MCM9: variants seen among roughly 807,000 people sequenced by gnomAD.
The protein encoded by MCM9 is DNA helicase MCM9.
MCM9 carries 55 observed loss-of-function variants against 72.8 expected under a neutral mutation model. That is an observed-to-expected ratio of 0.76 (90% CI 0.61 to 0.95). The LOEUF is 0.95. Ranked by LOEUF, MCM9 falls within the 40% of genes least tolerant of loss-of-function variation. The pLI is 0.00. For synonymous variants in MCM9, 480 were observed against 503.4 expected, an observed-to-expected ratio of 0.95 and a Z score of 0.62; for missense variants, 1,279 against 1,377.0, an observed-to-expected ratio of 0.93 and a Z score of 1.13.
intron 13 of MCM9, among the ~76,000 whole-genome samples, chr6:118,821,783 C>T: frequency 6.6e-6 from 1 of 152,182 alleles, no homozygotes; most frequent in Admixed American, 6.5e-5. Flanking sequence ...GGTCTTTTCA[C>T]ACAGTCCCAT....
chr6:118,917,789 C>CA, intron 5 of MCM9, 28 bp from the exon 6 acceptor site: 1 of 1,586,326 alleles, frequency 6.3e-7, no homozygotes, highest in Non-Finnish European at 8.7e-7. Context: ...GTGAGTCCAG[C>CA]AGTAGCATCC....
intron 8 of MCM9, among the ~76,000 whole-genome samples, chr6:118,897,829 A>G (rs1779534255): frequency 6.6e-6 from 1 of 151,778 alleles, no homozygotes; most frequent in Non-Finnish European, 1.5e-5. Context: ...GCTGGGTTAA[A>G]AAAAAAAACA....
rs1447554516 is a variant in MCM9 at position 118,848,527 on chromosome 6, G to A, written c.1325+7844C>T. The stretch of plus-strand genomic sequence containing the variant: ...ACAGACATATTGATACAGTTATACC[G>A]TCTACATCAGCAGAGATGAGTAGTT... On this transcript the variant is annotated intron_variant, in intron 9 of 13. Coordinates refer to ENST00000619706, the MANE Select transcript of MCM9 (RefSeq NM_017696.3). Among the ~76,000 whole-genome samples, 16 of 151,888 alleles carry A rather than the reference G, an allele frequency of 1.1e-4. No individual in the cohort carries two copies. The South Asian group carries it at 2.1e-3, about 20-fold the overall frequency.
chr6:118,843,197 C>T (rs902370789), intron 9 of MCM9, among the ~76,000 whole-genome samples: 1 of 152,014 alleles, frequency 6.6e-6, no homozygotes, highest in African/African-American at 2.4e-5. Context: ...GTGCCACCCA[C>T]AGGAAAACAC....
chr6:118,827,840 A>G, intron 11 of MCM9, 87 bp downstream of exon 11: 1 of 1,291,290 alleles, frequency 7.7e-7, no homozygotes, highest in South Asian at 1.4e-5. Flanking sequence ...AGTTATTCTC[A>G]TTCAACTTTG....
At chr6:118,882,827 C>T (rs1340625217) in intron 8 of MCM9, among the ~76,000 whole-genome samples, 2 of 149,544 alleles carry the variant, frequency 1.3e-5, no homozygotes, top group African/African-American at 2.4e-5. Flanking sequence ...AAGCAAACAA[C>T]AATAAAAAAA....
chr6:118,911,207 T>G lies in MCM9; in HGVS notation c.1150+443A>C, dbSNP rs551583569. On this transcript the variant is annotated intron_variant, in intron 8 of 13. Transcript: ENST00000619706. ...TGGAAGTATATTTTCCAAATATTAA[T>G]AAACATTCCCTACCTAAGAAATTTC... is the stretch of plus-strand genomic sequence containing the variant. 31 of 985,826 alleles carry G rather than the reference T, an allele frequency of 3.1e-5. No individual in the cohort carries two copies. In the African/African-American group the frequency reaches 5.1e-4, roughly 16 times the overall value. 61.1% of individuals were successfully genotyped at this position (985,826 alleles called of 1,614,324 possible).
At chr6:118,921,941 GCT>G (rs1781465199) in intron 5 of MCM9, 62 bp downstream of exon 5, 2 of 1,241,236 alleles carry the variant, frequency 1.6e-6, no homozygotes, top group Non-Finnish European at 2.3e-6. Context: ...ATAAAAAGTG[GCT>G]TTTCCTAATC....
intron 8 of MCM9, among the ~76,000 whole-genome samples, chr6:118,885,674 G>A (rs776426404): frequency 2.0e-5 from 3 of 152,136 alleles, no homozygotes; most frequent in African/African-American, 7.2e-5. Flanking sequence ...AGTAATAATA[G>A]TTTTTAAAAC....
chr6:118,906,399 TG>T (rs1287499675), intron 8 of MCM9, among the ~76,000 whole-genome samples: 2 of 152,162 alleles, frequency 1.3e-5, no homozygotes, highest in Non-Finnish European at 2.9e-5. Flanking sequence ...GACAGGCCTT[TG>T]TTTATGGCTT....
Position 118,935,039 on chromosome 6 carries a change from C to G in MCM9, c.-298G>C, listed in dbSNP as rs1338559580. 1 of 151,928 alleles carries G rather than the reference C, an allele frequency of 6.6e-6. No homozygotes were observed. The highest frequency in any genetic ancestry group is 1.5e-5 in the Non-Finnish European group (1 of 67,976). 9.4% of individuals were successfully genotyped at this position (151,928 alleles called of 1,614,324 possible). On this transcript the variant is annotated 5_prime_UTR_variant, in exon 1 of 14. Coordinates refer to ENST00000619706, the MANE Select transcript of MCM9 (RefSeq NM_017696.3). Reference sequence around the variant, plus strand: ...CGTGGCCGCTCGAGGCGCCACCGGCCGCGGGGACGCGCGGGCTGTGTCGGG... The same window carrying G: ...CGTGGCCGCTCGAGGCGCCACCGGCGGCGGGGACGCGCGGGCTGTGTCGGG...
chr6:118,929,346 A>G (rs534352214), intron 3 of MCM9, among the ~76,000 whole-genome samples: 1 of 152,370 alleles, frequency 6.6e-6, no homozygotes, highest in East Asian at 1.9e-4. Flanking sequence ...ACCATCTGGT[A>G]AATATTTGAC....
At chr6:118,893,086 A>C (rs1309984138) in intron 8 of MCM9, among the ~76,000 whole-genome samples, 4 of 152,246 alleles carry the variant, frequency 2.6e-5, no homozygotes, top group Admixed American at 2.0e-4. Flanking sequence ...CTAGCAGATA[A>C]TAAAACAAAC....
chr6:118,901,516 T>C (rs1393566902), intron 8 of MCM9, among the ~76,000 whole-genome samples: 1 of 152,196 alleles, frequency 6.6e-6, no homozygotes, highest in African/African-American at 2.4e-5. Flanking sequence ...GTGAAGAGAA[T>C]TTCTAGTAAT....
intron 9 of MCM9, among the ~76,000 whole-genome samples, chr6:118,852,994 T>C (rs1439255634): frequency 6.6e-6 from 1 of 152,232 alleles, no homozygotes; most frequent in Admixed American, 6.5e-5. Context: ...TCCTTTATAT[T>C]GCTAGTAGTA....
intron 3 of MCM9, among the ~76,000 whole-genome samples, chr6:118,924,816 G>A (rs9489546): frequency 0.19 from 29,354 of 152,186 alleles, 3,391 homozygotes; most frequent in Non-Finnish European, 0.27. Flanking sequence ...AGCCAAGGTA[G>A]GAGAACCGCT....
Position 118,924,042 on chromosome 6 carries a change from C to A in MCM9, c.390G>T (p.Val130=). The change falls in exon 4 of 14, where the codon GTG becomes GTT. Residue 130 remains valine, a synonymous_variant. Coordinates refer to ENST00000619706, the MANE Select transcript of MCM9 (RefSeq NM_017696.3). ...GAACCTTCACCAGACTTGTTCGAAT[C>A]ACTGTCCCAGTGACAGATAAAAAGT... The part of the protein sequence containing the change: ...VGHFLSVTGT[V]IRTSLVKVLE... 1 of 1,614,220 alleles carries A rather than the reference C, an allele frequency of 6.2e-7. No individual in the cohort carries two copies. Among genetic ancestry groups the A allele is most frequent in the Non-Finnish European group, 8.5e-7 (1 of 1,180,036 alleles).
chr6:118,840,783 G>A (rs1281192269), intron 9 of MCM9, among the ~76,000 whole-genome samples: 14 of 128,298 alleles, frequency 1.1e-4, no homozygotes, highest in African/African-American at 4.1e-4. Flanking sequence ...TGTCACCCAG[G>A]CTGGAGTACA....
chr6:118,907,817 G>T, intron 8 of MCM9: 1 of 493,868 alleles, frequency 2.0e-6, no homozygotes, highest in South Asian at 3.0e-5. Flanking sequence ...TCTCTAATGT[G>T]TTATTTTATT....
Sources: gnomAD v4.1 joint callset for allele counts (sites outside exome capture counted in the v4.1 genomes callset) on GRCh38, gnomAD v4.1.1 for gene constraint, MANE v1.5 for transcripts, NCBI Gene and HGNC (gene_info 2026-07-23, HGNC 2026-07-21) for gene names.